Variants in ADK observed in about 807,000 individuals in gnomAD.
ADK encodes N6,N6-dimethyladenosine kinase.
ADK carries 24 observed loss-of-function variants against 44.7 expected under a neutral mutation model. That is an observed-to-expected ratio of 0.54 (90% confidence interval 0.39 to 0.76). The LOEUF (loss-of-function observed/expected upper bound fraction) is 0.76, where lower values mean the gene tolerates loss of function less well. ADK is among the 30% of genes least tolerant of loss of function. The pLI is 0.00. For synonymous variants in ADK, 128 were observed against 142.6 expected (o/e 0.90, Z 0.73); for missense variants, 321 against 425.1 (o/e 0.76, Z 2.15).
intron 6 of ADK, among the ~76,000 whole-genome samples, chr10:74,491,134 A>G (rs1021553680): frequency 3.9e-5 from 6 of 152,124 alleles, no homozygotes; most frequent in African/African-American, 1.4e-4. Context: ...TAAAATGGAC[A>G]CACAAAAAAA....
At position 74,701,552 on chromosome 10, in the gene ADK, C is replaced by T. The variant is rs186809923; in HGVS notation, c.965-6769C>T. The stretch of plus-strand genomic sequence containing the variant: ...TAATGTGATGGCATATCCAATGACA[C>T]GGGAGCCACCAGCCTGAACGGCTCC... On this transcript the variant is annotated intron_variant, in intron 10 of 10. Transcript: ENST00000539909. Among the ~76,000 whole-genome samples, 800 of 152,286 alleles carry T rather than the reference C, an allele frequency of 5.3e-3. 10 individuals are homozygous for T. Among genetic ancestry groups the T allele is most frequent in the African/African-American group, 0.018 (762 of 41,558 alleles).
At chr10:74,171,762 G>A (rs1842163434) in intron 1 of ADK, among the ~76,000 whole-genome samples, 1 of 151,788 alleles carries the variant, frequency 6.6e-6, no homozygotes, top group Non-Finnish European at 1.5e-5. Context: ...TAGTTACTCA[G>A]TACTCTCTCT....
intron 6 of ADK, among the ~76,000 whole-genome samples, chr10:74,522,388 GAGA>G (rs2133601988): frequency 6.6e-6 from 1 of 152,264 alleles, no homozygotes; most frequent in African/African-American, 2.4e-5. Flanking sequence ...AGAAAGGTGG[GAGA>G]AGGTCAGAGT....
rs552818992 is a variant in ADK at position 74,670,515 on chromosome 10, G to C, written c.964+246G>C. Among the ~76,000 whole-genome samples, 9 of 152,284 alleles carry C rather than the reference G, an allele frequency of 5.9e-5. No individual in the cohort carries two copies. In the South Asian group the frequency reaches 1.0e-3, roughly 18 times the overall value. ...CCCAGTCATTTTCACAAGATTAATT[G>C]TATCTGTCAGAAAATTGCATAAACA... On this transcript the variant is annotated intron_variant, in intron 10 of 10. Coordinates refer to ENST00000539909, the MANE Select transcript of ADK (RefSeq NM_006721.4).
At chr10:74,362,520 T>A (rs912585066) in intron 4 of ADK, among the ~76,000 whole-genome samples, 3 of 152,210 alleles carry the variant, frequency 2.0e-5, no homozygotes, top group Non-Finnish European at 2.9e-5. Flanking sequence ...TTTGGAGAGA[T>A]CACATATCTC....
intron 6 of ADK, among the ~76,000 whole-genome samples, chr10:74,480,472 T>A (rs1257121200): frequency 6.6e-6 from 1 of 152,070 alleles, no homozygotes; most frequent in African/African-American, 2.4e-5. Flanking sequence ...GAGACAGGGA[T>A]CCTGCTATGT....
At chr10:74,578,778 A>T (rs1851280749) in intron 7 of ADK, among the ~76,000 whole-genome samples, 1 of 152,352 alleles carries the variant, frequency 6.6e-6, no homozygotes, top group South Asian at 2.1e-4. Context: ...TAGAATATGT[A>T]AAATAAAGGA....
chr10:74,622,334 A>G (rs1017618930), intron 9 of ADK, among the ~76,000 whole-genome samples: 2 of 152,078 alleles, frequency 1.3e-5, no homozygotes, highest in Non-Finnish European at 2.9e-5. Context: ...GACTTTTTGA[A>G]TGTCAGTTTA....
At chr10:74,175,508 A>G (rs1219190896) in intron 1 of ADK, among the ~76,000 whole-genome samples, 2 of 152,254 alleles carry the variant, frequency 1.3e-5, no homozygotes, top group Admixed American at 1.3e-4. Context: ...CTTCAGTCCC[A>G]TCAGCCACAT....
In ADK at chr10:74,274,903, G is replaced by A. The variant is rs61863655; in HGVS notation, c.195-39764G>A. ...CACCGTACCTGACTGGAGGAACTAC[G>A]TTTTTGATATGGTACTCAGAGAACT... On this transcript the variant is annotated intron_variant, in intron 3 of 10. Transcript: ENST00000539909. Among the ~76,000 whole-genome samples, 1,296 of 151,640 alleles carry A rather than the reference G, an allele frequency of 8.5e-3. 8 individuals are homozygous for A. The highest frequency in any genetic ancestry group is 0.013 in the Non-Finnish European group (911 of 67,874).
chr10:74,304,896 A>G (rs893617258), intron 3 of ADK, among the ~76,000 whole-genome samples: 5 of 152,210 alleles, frequency 3.3e-5, no homozygotes, highest in Admixed American at 2.6e-4. Context: ...TGTTTTACAA[A>G]TGAGGAAACC....
At chr10:74,186,054 G>T (rs577865996) in intron 1 of ADK, among the ~76,000 whole-genome samples, 2 of 151,688 alleles carry the variant, frequency 1.3e-5, no homozygotes, top group African/African-American at 4.8e-5. Flanking sequence ...TCACCATGTC[G>T]GCCAGGCTGC....
At position 74,356,002 on chromosome 10, in the gene ADK, A is replaced by ATATTTTTT. The variant is rs57958159; in HGVS notation, c.274-38138_274-38137insATTTTTTT. Among the ~76,000 whole-genome samples the ATATTTTTT allele has an allele frequency of 1.3e-4, 11 of 83,310 alleles. 1 individual carries two copies. Among genetic ancestry groups the ATATTTTTT allele is most frequent in the African/African-American group, 5.6e-4 (11 of 19,592 alleles). 54.7% of individuals were successfully genotyped at this position (83,310 alleles called of 152,430 possible). A position where few individuals can be genotyped will look rare whatever the true frequency, so the allele number is the denominator to read the frequency against. On this transcript the variant is annotated intron_variant, in intron 4 of 10. Coordinates refer to ENST00000539909, the MANE Select transcript of ADK (RefSeq NM_006721.4). ...TCTGAAATATTTCACTAAATAATTCATTTTTTTTTTTTTTTTTTTTTTTTT... is the reference window on the plus strand; with the variant it reads ...TCTGAAATATTTCACTAAATAATTCATATTTTTTTTTTTTTTTTTTTTTTTTTTTTTTT...
At chr10:74,399,657 A>G (rs963477765) in intron 6 of ADK, among the ~76,000 whole-genome samples, 9 of 151,832 alleles carry the variant, frequency 5.9e-5, no homozygotes, top group African/African-American at 2.2e-4. Context: ...AATTGGTCTC[A>G]TGTTCTTTCC....
intron 7 of ADK, among the ~76,000 whole-genome samples, chr10:74,576,880 A>G (rs1037026534): frequency 1.3e-5 from 2 of 152,138 alleles, no homozygotes; most frequent in African/African-American, 4.8e-5. Context: ...GTGTTATCTC[A>G]CATTCTGAAA....
intron 2 of ADK, among the ~76,000 whole-genome samples, chr10:74,210,277 G>A (rs1347724105): frequency 2.8e-5 from 4 of 144,888 alleles, no homozygotes; most frequent in African/African-American, 7.7e-5. Context: ...GCAGTGAACC[G>A]AGATTGCGCC....
At chr10:74,268,865 A>C (rs1846314159) in intron 3 of ADK, among the ~76,000 whole-genome samples, 1 of 152,188 alleles carries the variant, frequency 6.6e-6, no homozygotes, top group Non-Finnish European at 1.5e-5. Context: ...CTATGTGGGG[A>C]AATATAAATT....
intron 3 of ADK, among the ~76,000 whole-genome samples, chr10:74,279,034 A>G (rs1846812754): frequency 1.3e-5 from 2 of 152,066 alleles, no homozygotes; most frequent in African/African-American, 2.4e-5. Flanking sequence ...TAATCCCAGC[A>G]CTTTGGGAGG....
rs150162089 is a variant in ADK at position 74,487,854 on chromosome 10, A to T, written c.556-37402A>T. Among the ~76,000 whole-genome samples, 330 of 152,156 alleles carry T rather than the reference A, an allele frequency of 2.2e-3. 2 individuals carry two copies. The highest frequency in any genetic ancestry group is 7.5e-3 in the African/African-American group (312 of 41,564). On this transcript the variant is annotated intron_variant, in intron 6 of 10. Coordinates refer to ENST00000539909, the MANE Select transcript of ADK (RefSeq NM_006721.4). ...AGAACAGTTAAAAACAGCATACTGA[A>T]GCCTGCATTATTTGGCTTATCTAAA... is the stretch of plus-strand genomic sequence containing the variant.
Sources: gnomAD v4.1 joint callset for allele counts (sites outside exome capture counted in the v4.1 genomes callset) on GRCh38, gnomAD v4.1.1 for gene constraint, MANE v1.5 for transcripts, NCBI Gene and HGNC (gene_info 2026-07-23, HGNC 2026-07-21) for gene names.